Variants in CACNA2D1 observed in about 807,000 individuals in gnomAD.
CACNA2D1 encodes voltage-dependent calcium channel subunit alpha-2/delta-1.
In CACNA2D1, 53 loss-of-function variants were observed where a neutral mutation model predicts 171.5. The observed-to-expected ratio is 0.31, with a 90% CI of 0.25 to 0.39. CACNA2D1 has a LOEUF of 0.39. Ranked by LOEUF, CACNA2D1 falls within the 10% of genes least tolerant of loss-of-function variation. CACNA2D1 has a pLI of 1.00. For missense variants in CACNA2D1, 903 were observed against 1,299.8 expected (o/e 0.69, Z 4.69); for synonymous variants, 442 against 443.1 (o/e 1.00, Z 0.03).
intron 3 of CACNA2D1, among the ~76,000 whole-genome samples, chr7:82,297,872 GT>G (rs1366013179): frequency 9.9e-5 from 15 of 152,030 alleles, no homozygotes; most frequent in Non-Finnish European, 8.8e-5. Flanking sequence ...ACAACCTTAA[GT>G]TTCCTCAATT....
At chr7:81,952,675 C>G (rs1029377111) in intron 38 of CACNA2D1, among the ~76,000 whole-genome samples, 4 of 152,040 alleles carry the variant, frequency 2.6e-5, no homozygotes, top group African/African-American at 9.7e-5. Context: ...CTTTCATGCT[C>G]TCTAAAATGT....
intron 1 of CACNA2D1, among the ~76,000 whole-genome samples, chr7:82,385,464 G>A (rs1353841843): frequency 6.6e-6 from 1 of 152,126 alleles, no homozygotes; most frequent in Non-Finnish European, 1.5e-5. Context: ...ATAGTCCATT[G>A]TAACCCTATG....
chr7:82,141,828 C>G (rs1332995210), intron 4 of CACNA2D1, among the ~76,000 whole-genome samples: 1 of 152,170 alleles, frequency 6.6e-6, no homozygotes, highest in Non-Finnish European at 1.5e-5. Flanking sequence ...CTTTCTTAAT[C>G]ATTTCCCTGT....
intron 3 of CACNA2D1, among the ~76,000 whole-genome samples, chr7:82,218,475 C>T (rs572372159): frequency 6.6e-6 from 1 of 152,184 alleles, no homozygotes; most frequent in South Asian, 2.1e-4. Context: ...GACTTTATTC[C>T]AGATTGTTTT....
At chr7:82,246,826 T>C (rs1475444869) in intron 3 of CACNA2D1, among the ~76,000 whole-genome samples, 1 of 152,168 alleles carries the variant, frequency 6.6e-6, no homozygotes, top group African/African-American at 2.4e-5. Context: ...AGGGGTCCTT[T>C]TGGTTAAATT....
chr7:82,325,910 T>C (rs897278980), intron 3 of CACNA2D1, among the ~76,000 whole-genome samples: 1 of 152,138 alleles, frequency 6.6e-6, no homozygotes, highest in African/African-American at 2.4e-5. Flanking sequence ...CATGTCTGGA[T>C]AGGTTTCCTC....
At position 81,984,637 on chromosome 7, in the gene CACNA2D1, C is replaced by G. The variant is rs1562821796; in HGVS notation, c.1871G>C (p.Arg624Thr). 1 of 1,551,358 alleles carries G rather than the reference C, an allele frequency of 6.4e-7. No homozygotes were observed. Among genetic ancestry groups the G allele is most frequent in the Non-Finnish European group, 8.8e-7 (1 of 1,133,974 alleles). Residue 624 changes from arginine to threonine, a missense_variant and splice_region_variant, in exon 22 of 39, where the codon AGA becomes ACA. By Grantham distance (71) the Arg-to-Thr change is moderately conservative. Coordinates refer to ENST00000356860, the MANE Select transcript of CACNA2D1 (RefSeq NM_000722.4). ...AKLEETITQA[R>T]SKKGKMKDSE... The stretch of plus-strand genomic sequence containing the variant: ...GAAGTCACTTTCACAGTACTTACAT[C>G]TGGCCTGAGTTATTGTCTCTTCTAG...
At chr7:82,137,140 G>A (rs1197116723) in intron 4 of CACNA2D1, among the ~76,000 whole-genome samples, 2 of 152,306 alleles carry the variant, frequency 1.3e-5, no homozygotes, top group Admixed American at 6.5e-5. Flanking sequence ...TACTCATGGA[G>A]TCAGAAAAGA....
At position 82,442,503 on chromosome 7, in the gene CACNA2D1, T is replaced by G. The variant is rs1432254740; in HGVS notation, c.95+862A>C. Among the ~76,000 whole-genome samples, 3 of 152,308 alleles carry G rather than the reference T, an allele frequency of 2.0e-5. No individual in the cohort carries two copies. The East Asian group carries it at 5.8e-4, about 29-fold the overall frequency. On this transcript the variant is annotated intron_variant, in intron 1 of 38. Coordinates refer to ENST00000356860, the MANE Select transcript of CACNA2D1 (RefSeq NM_000722.4). Reference sequence around the variant, plus strand: ...TATGTGCCATTGAGTTTGATTCTATTTTGCTAAGAAAGGAGAGAATTATTA... The same window carrying G: ...TATGTGCCATTGAGTTTGATTCTATGTTGCTAAGAAAGGAGAGAATTATTA...
rs79511836 is a variant in CACNA2D1, at chr7:82,051,635, T to C, written c.879+8793A>G. ...TTATTAAAAGACATGAAGATCTCCT[T>C]TGGTTGTTAACTTTTAGCATATTGT... On this transcript the variant is annotated intron_variant, in intron 10 of 38. Coordinates refer to ENST00000356860, the MANE Select transcript of CACNA2D1 (RefSeq NM_000722.4). 6.4e-3 allele frequency among the ~76,000 whole-genome samples: 977 copies of C among 152,316 alleles called. 15 individuals carry two copies. The highest frequency in any genetic ancestry group is 0.022 in the African/African-American group (916 of 41,568).
chr7:82,415,916 A>C (rs1828122390), intron 1 of CACNA2D1, among the ~76,000 whole-genome samples: 1 of 152,002 alleles, frequency 6.6e-6, no homozygotes, highest in African/African-American at 2.4e-5. Context: ...GAATTATTTT[A>C]GAATTCCTTT....
intron 1 of CACNA2D1, among the ~76,000 whole-genome samples, chr7:82,427,867 T>C (rs1164481352): frequency 6.6e-6 from 1 of 152,160 alleles, no homozygotes; most frequent in Non-Finnish European, 1.5e-5. Flanking sequence ...CTGTCCTCTG[T>C]TTCAGATGAG....
chr7:82,349,573 C>G lies in CACNA2D1; in HGVS notation c.172G>C (p.Val58Leu), dbSNP rs1265363528. The change falls in exon 2 of 39, where the codon GTT becomes CTT. Residue 58 changes from valine (V) to leucine (L), a missense_variant. Val to Leu is a conservative substitution (Grantham distance 32). This residue lies in a region of CACNA2D1 where 189 missense variants were observed against 266.8 expected (regional missense o/e 0.71). Transcript: ENST00000356860. ...CTTTGGTGGATTTTACTCACATCAA[C>G]AAGCTGATTGACTCCACTTGCTGTT... The part of the protein sequence containing the change: ...AKTASGVNQL[V>L]DIYEKYQDLY... The G allele has an allele frequency of 6.2e-7, 1 of 1,613,052 alleles. No individual in the cohort carries two copies. The highest frequency in any genetic ancestry group is 1.1e-5 in the South Asian group (1 of 91,052).
chr7:81,993,232 T>C (rs1797728306), intron 20 of CACNA2D1, among the ~76,000 whole-genome samples: 1 of 152,150 alleles, frequency 6.6e-6, no homozygotes, highest in Non-Finnish European at 1.5e-5. Flanking sequence ...TGAAAAATAT[T>C]CAATAAATCA....
At chr7:82,129,684 G>T (rs3801749) in intron 5 of CACNA2D1, among the ~76,000 whole-genome samples, 50,071 of 152,004 alleles carry the variant, frequency 0.33, 9,548 homozygotes, top group African/African-American at 0.53. Context: ...TCTTAGAGAA[G>T]AATTTTCCTC....
At chr7:82,131,338 T>C (rs1790954017) in intron 5 of CACNA2D1, among the ~76,000 whole-genome samples, 1 of 152,136 alleles carries the variant, frequency 6.6e-6, no homozygotes, top group Non-Finnish European at 1.5e-5. Flanking sequence ...GTAAGGTAAA[T>C]GCCCAGCTAT....
intron 3 of CACNA2D1, among the ~76,000 whole-genome samples, chr7:82,197,546 G>T (rs1585072036): frequency 1.3e-5 from 2 of 152,092 alleles, no homozygotes; most frequent in Non-Finnish European, 1.5e-5. Context: ...TCTTTTTGTT[G>T]TATGGTAGAA....
chr7:82,126,097 T>C (rs903970401), intron 5 of CACNA2D1, among the ~76,000 whole-genome samples: 3 of 152,224 alleles, frequency 2.0e-5, no homozygotes, highest in African/African-American at 7.2e-5. Flanking sequence ...TTATAATAAC[T>C]GAGGTTGCTA....
At chr7:82,349,303 A>G (rs945686617) in intron 2 of CACNA2D1, among the ~76,000 whole-genome samples, 4 of 152,160 alleles carry the variant, frequency 2.6e-5, no homozygotes, top group Non-Finnish European at 4.4e-5. Flanking sequence ...AAATTTACGG[A>G]GAGTATACAT....
Sources: gnomAD v4.1 joint callset for allele counts (sites outside exome capture counted in the v4.1 genomes callset) on GRCh38, gnomAD v4.1.1 for gene constraint, gnomAD v4.1.1 regional missense constraint, MANE v1.5 for transcripts, NCBI Gene and HGNC (gene_info 2026-07-23, HGNC 2026-07-21) for gene names.